LRRC39: variants seen among roughly 807,000 people sequenced by gnomAD.
LRRC39 encodes leucine rich repeat containing 39.
Under a neutral mutation model 39.7 loss-of-function variants are expected in LRRC39, and 35 were observed. The ratio of observed to expected loss-of-function variants is 0.88; its 90% confidence interval spans 0.67 to 1.17. The LOEUF is 1.17. LRRC39 is among the 50% of genes most tolerant of loss of function. The pLI, the probability that LRRC39 is intolerant of heterozygous loss-of-function variation, is 0.00. For synonymous variants in LRRC39, 113 were observed against 134.1 expected, an observed-to-expected ratio of 0.84 and a Z score of 1.09; for missense variants, 357 against 385.8, an observed-to-expected ratio of 0.93 and a Z score of 0.62.
chr1:100,164,980 A>C (rs2101785575), intron 3 of LRRC39, among the ~76,000 whole-genome samples: 1 of 152,280 alleles, frequency 6.6e-6, no homozygotes, highest in South Asian at 2.1e-4. Context: ...TGCTGGGATT[A>C]CAGGCACAAG....
At chr1:100,167,791 AATAAT>A (rs1426122667) in intron 3 of LRRC39, among the ~76,000 whole-genome samples, 1 of 117,088 alleles carries the variant, frequency 8.5e-6, no homozygotes, top group African/African-American at 3.5e-5. Context: ...TAATAATAAT[AATAAT>A]AATAATAATA....
intron 5 of LRRC39, 98 bp downstream of exon 5, chr1:100,159,161 A>G (rs1658688780): frequency 2.9e-6 from 3 of 1,051,286 alleles, no homozygotes; most frequent in South Asian, 2.2e-5. Flanking sequence ...TGAGGGCTGT[A>G]TAAAGAGGTC....
intron 8 of LRRC39, among the ~76,000 whole-genome samples, chr1:100,153,695 A>G (rs1658232316): frequency 6.6e-6 from 1 of 152,332 alleles, no homozygotes; most frequent in African/African-American, 2.4e-5. Flanking sequence ...TTAAAAAGAA[A>G]AAATGCTTGA....
intron 2 of LRRC39, among the ~76,000 whole-genome samples, chr1:100,169,614 A>G (rs557018907): frequency 2.0e-5 from 3 of 152,134 alleles, no homozygotes; most frequent in Admixed American, 6.5e-5. Context: ...TAGCTCAAAA[A>G]AAAGAAAAGA....
At chr1:100,179,454 G>A (rs1309504627), upstream of LRRC39, among the ~76,000 whole-genome samples, 4 of 127,734 alleles carry the variant, frequency 3.1e-5, no homozygotes, top group African/African-American at 1.2e-4. Context: ...TTGAGCCCAG[G>A]AGCTGGAGAC....
At position 100,152,684 on chromosome 1, in the gene LRRC39, T is replaced by C. The variant is rs577587065; in HGVS notation, c.813-160A>G. On this transcript the variant is annotated intron_variant, in intron 8 of 9. Transcript: ENST00000370137. ...GATGTGATATATCTCAAGAATCTTA[T>C]GTTTTTTTCCTAAGAGAAAAAAAAA... Among the ~76,000 whole-genome samples, 4 of 152,326 alleles carry C rather than the reference T, an allele frequency of 2.6e-5. No homozygotes were observed. The East Asian group carries it at 5.8e-4, about 22-fold the overall frequency.
At chr1:100,177,740 A>C (rs1191105897) in intron 1 of LRRC39, among the ~76,000 whole-genome samples, 1 of 151,492 alleles carries the variant, frequency 6.6e-6, no homozygotes, top group African/African-American at 2.5e-5. Flanking sequence ...ATTTGCCATT[A>C]AATGTTGCTC....
chr1:100,155,443 A>G (rs1250517966), intron 7 of LRRC39, among the ~76,000 whole-genome samples: 2 of 152,176 alleles, frequency 1.3e-5, no homozygotes, highest in Non-Finnish European at 2.9e-5. Context: ...AACATCTTTA[A>G]CCAGTATACT....
At chr1:100,170,606 A>G (rs931695752) in intron 2 of LRRC39, among the ~76,000 whole-genome samples, 2 of 151,392 alleles carry the variant, frequency 1.3e-5, no homozygotes, top group Non-Finnish European at 2.9e-5. Context: ...ACACTAAAAG[A>G]GAGAATTTAT....
intron 9 of LRRC39, 79 bp from the exon 10 acceptor site, chr1:100,149,176 TTTTA>T (rs1657693758): frequency 6.5e-7 from 1 of 1,539,224 alleles, no homozygotes; most frequent in Non-Finnish European, 8.7e-7. Context: ...CTTCCTTTGA[TTTTA>T]TTTAATATTT....
chr1:100,149,209 G>A (rs1657699318), intron 9 of LRRC39, 112 bp from the exon 10 acceptor site: 1 of 1,491,168 alleles, frequency 6.7e-7, no homozygotes, highest in Non-Finnish European at 8.9e-7. Context: ...TTAAGTTCAA[G>A]AGGTAGTGAT....
chr1:100,149,405 A>G (rs1233490562), intron 9 of LRRC39: 7 of 1,545,718 alleles, frequency 4.5e-6, no homozygotes, highest in African/African-American at 1.4e-5. Flanking sequence ...TATTGTCAGA[A>G]TCTGTCCATG....
rs1279854637 is a variant in LRRC39, at chr1:100,152,470, A to G, written c.867T>C (p.Ser289=). 2.0e-5 allele frequency: 32 copies of G among 1,614,072 alleles called. No individual in the cohort carries two copies. The highest frequency in any genetic ancestry group is 2.7e-5 in the Non-Finnish European group (32 of 1,180,002). Reference sequence around the variant, plus strand: ...GTTCCTCTTCTTCATCTGTGCCTTCACTGGGAGGAAGTGATACTTTCAATT... The same window carrying G: ...GTTCCTCTTCTTCATCTGTGCCTTCGCTGGGAGGAAGTGATACTTTCAATT... The part of the protein sequence containing the change: ...PLKLKVSLPP[S]EGTDEEEERE... Residue 289 remains serine (S), a synonymous_variant, in exon 9 of 10, where the codon AGT becomes AGC. Coordinates refer to ENST00000370137, the MANE Select transcript of LRRC39 (RefSeq NM_144620.4).
Position 100,168,464 on chromosome 1 carries a change from C to A in LRRC39, c.53G>T (p.Trp18Leu). Residue 18 changes from tryptophan (W) to leucine (L), a missense_variant, in exon 3 of 10, where the codon TGG (tryptophan) becomes TTG (leucine). Coordinates refer to ENST00000370137, the MANE Select transcript of LRRC39 (RefSeq NM_144620.4). ...TGAVNAVKEV[W>L]EKRIKKLNED... is the part of the protein sequence containing the mutation. ...ATTGAGTTTCTTTATTCTTTTTTCCCAAACTTCCTTTACAGCATTGACAGC... is the reference window on the plus strand; with the variant it reads ...ATTGAGTTTCTTTATTCTTTTTTCCAAAACTTCCTTTACAGCATTGACAGC... 1 of 1,612,178 alleles carries A rather than the reference C, an allele frequency of 6.2e-7. No individual in the cohort carries two copies. The highest frequency in any genetic ancestry group is 8.5e-7 in the Non-Finnish European group (1 of 1,179,476).
Position 100,148,842 on chromosome 1 carries a change from ATCTG to A in LRRC39, c.*196_*199del. The A allele has an allele frequency of 7.1e-7, 1 of 1,411,348 alleles. No homozygotes were observed. The highest frequency in any genetic ancestry group is 1.5e-5 in the African/African-American group (1 of 67,074). 87.4% of individuals were successfully genotyped at this position (1,411,348 alleles called of 1,614,324 possible). ...TTAATGGAAAAGAAATTTGAGCATC[ATCTG>A]TCTTCCACCAAAAAAAATTTTTTAA... On this transcript the variant is annotated 3_prime_UTR_variant, in exon 10 of 10. Transcript: ENST00000370137.
intron 2 of LRRC39, among the ~76,000 whole-genome samples, chr1:100,172,502 C>T (rs1659683009): frequency 6.6e-6 from 1 of 151,180 alleles, no homozygotes; most frequent in Non-Finnish European, 1.5e-5. Context: ...GCCTGGACAA[C>T]ATGGTGAAAC....
chr1:100,163,684 C>T (rs1401720038), intron 3 of LRRC39, among the ~76,000 whole-genome samples: 1 of 151,718 alleles, frequency 6.6e-6, no homozygotes, highest in East Asian at 1.9e-4. Context: ...CCTCCTGCCT[C>T]AGCCTCCCAA....
intron 1 of LRRC39, among the ~76,000 whole-genome samples, chr1:100,176,749 G>C (rs1659992585): frequency 6.6e-6 from 1 of 152,152 alleles, no homozygotes. Context: ...TGTTGGCTCT[G>C]CAGAAAACAG....
At chr1:100,152,587 G>A in intron 8 of LRRC39, 63 bp from the exon 9 acceptor site, 2 of 1,541,670 alleles carry the variant, frequency 1.3e-6, no homozygotes, top group Non-Finnish European at 1.8e-6. Context: ...TTATTTCCCT[G>A]GAGAAAGGTC....
Sources: allele counts gnomAD v4.1 joint callset (sites outside exome capture counted in the v4.1 genomes callset), GRCh38; gene constraint gnomAD v4.1.1; transcripts MANE v1.5; gene names NCBI Gene and HGNC (gene_info 2026-07-23, HGNC 2026-07-21).